Variants in PMM2 observed in about 807,000 individuals in gnomAD.
The protein encoded by PMM2 is phosphomannomutase 2.
A neutral mutation model predicts 33.2 loss-of-function variants in PMM2; 35 were observed. The ratio of observed to expected loss-of-function variants is 1.06; its 90% CI spans 0.81 to 1.40. PMM2 has a LOEUF of 1.40. Ranked by LOEUF, PMM2 falls within the 40% of genes most tolerant of loss-of-function variation. The pLI is 0.00. For synonymous variants in PMM2, 153 were observed against 114.7 expected, an observed-to-expected ratio of 1.33 and a Z score of -2.13; for missense variants, 386 against 306.0, an observed-to-expected ratio of 1.26 and a Z score of -1.95.
intron 4 of PMM2, chr16:8,806,610 C>A (rs1337747266): frequency 1.6e-6 from 1 of 606,334 alleles, no homozygotes; most frequent in African/African-American, 1.8e-5. Flanking sequence ...TCTCTGGCTG[C>A]CCTGGTGCTG....
chr16:8,832,082 C>T (rs896975851), intron 7 of PMM2: 2 of 950,394 alleles, frequency 2.1e-6, no homozygotes, highest in Non-Finnish European at 2.5e-6. Context: ...GCCAGCTTTC[C>T]TTTCATTTCA....
chr16:8,803,616 G>A (rs1274643203), intron 2 of PMM2, among the ~76,000 whole-genome samples: 1 of 152,170 alleles, frequency 6.6e-6, no homozygotes, highest in Non-Finnish European at 1.5e-5. Flanking sequence ...CTTCATTAAG[G>A]TTGACAACAT....
At chr16:8,833,415 T>C (rs565048704) in intron 7 of PMM2, among the ~76,000 whole-genome samples, 46 of 152,320 alleles carry the variant, frequency 3.0e-4, no homozygotes, top group African/African-American at 4.6e-4. Context: ...TCTGGATGTA[T>C]ACGTGCAAGT....
chr16:8,847,948 G>T lies in PMM2; in HGVS notation c.*123G>T. On this transcript the variant is annotated 3_prime_UTR_variant, in exon 8 of 8. Coordinates refer to ENST00000268261, the MANE Select transcript of PMM2 (RefSeq NM_000303.3). ...AGCCTAGGCAGGCTCTGCATGCTATGCCAGGCATGTGCAGTCTGGACTTCC... is the reference window on the plus strand; with the variant it reads ...AGCCTAGGCAGGCTCTGCATGCTATTCCAGGCATGTGCAGTCTGGACTTCC... The T allele has an allele frequency of 1.4e-6, 1 of 718,650 alleles. No individual in the cohort carries two copies. The allele number at this position is 718,650 out of a possible 1,614,324, so 44.5% of individuals were successfully genotyped here.
intron 2 of PMM2, chr16:8,802,366 G>T (rs541681393): frequency 6.8e-6 from 3 of 439,020 alleles, no homozygotes; most frequent in South Asian, 3.2e-5. Flanking sequence ...TGATAGGTCT[G>T]TGGAGCCTGG....
intron 7 of PMM2, among the ~76,000 whole-genome samples, chr16:8,828,278 A>G (rs1478359638): frequency 6.6e-6 from 1 of 152,032 alleles, no homozygotes; most frequent in African/African-American, 2.4e-5. Context: ...AGAAAAGAAA[A>G]TTTAAGGCAG....
intron 7 of PMM2, among the ~76,000 whole-genome samples, chr16:8,833,547 T>A (rs957133311): frequency 6.6e-6 from 1 of 151,376 alleles, no homozygotes; most frequent in Admixed American, 6.6e-5. Context: ...GGGGGTGGTA[T>A]GGAGAGAGAA....
intron 7 of PMM2, among the ~76,000 whole-genome samples, chr16:8,840,416 G>A (rs560165006): frequency 6.6e-5 from 10 of 152,036 alleles, no homozygotes; most frequent in African/African-American, 2.2e-4. Flanking sequence ...AACAAGAGTA[G>A]GGCATTTATA....
intron 7 of PMM2, among the ~76,000 whole-genome samples, chr16:8,815,415 G>C (rs758610944): frequency 2.0e-5 from 3 of 152,094 alleles, no homozygotes; most frequent in Non-Finnish European, 4.4e-5. Flanking sequence ...ATTTTTAGTA[G>C]AGACAGGGTT....
chr16:8,812,913 T>A (rs1384316605), intron 6 of PMM2, 78 bp from the exon 7 acceptor site: 2 of 852,376 alleles, frequency 2.3e-6, no homozygotes, highest in South Asian at 1.3e-5. Context: ...GACAAAAGAG[T>A]AAATTGTTTT....
chr16:8,811,819 A>C, intron 6 of PMM2, 106 bp downstream of exon 6: 1 of 814,620 alleles, frequency 1.2e-6, no homozygotes, highest in Admixed American at 1.8e-5. Flanking sequence ...TTAGGTGGGC[A>C]GGAAGATTAA....
intron 7 of PMM2, among the ~76,000 whole-genome samples, chr16:8,841,416 G>A (rs1159537265): frequency 2.7e-5 from 4 of 148,848 alleles, no homozygotes; most frequent in South Asian, 2.2e-4. Context: ...TATCTGACTC[G>A]GGGCATGTTG....
At chr16:8,800,525 C>T (rs1047869893) in intron 1 of PMM2, among the ~76,000 whole-genome samples, 1 of 152,038 alleles carries the variant, frequency 6.6e-6, no homozygotes, top group Non-Finnish European at 1.5e-5. Context: ...TTGGAATTTA[C>T]CATAAGATTA....
intron 7 of PMM2, among the ~76,000 whole-genome samples, chr16:8,822,464 G>A (rs1232646654): frequency 6.6e-6 from 1 of 152,174 alleles, no homozygotes; most frequent in Non-Finnish European, 1.5e-5. Flanking sequence ...GCTGTTACCG[G>A]CATTGTTTCA....
Position 8,828,316 on chromosome 16 carries a change from G to A in PMM2, c.639+15210G>A, listed in dbSNP as rs554112454. On this transcript the variant is annotated intron_variant, in intron 7 of 7. Transcript: ENST00000268261. ...TTCAAGGCAAGCTGTCCATGGTGGG[G>A]AAAGAATCAATAAATGGCACACAAA... 2.0e-5 allele frequency among the ~76,000 whole-genome samples: 3 copies of A among 152,034 alleles called. No homozygotes were observed. In the South Asian group the frequency reaches 6.2e-4, roughly 32 times the overall value.
At position 8,847,711 on chromosome 16, in the gene PMM2, C is replaced by T. The variant is rs372181885; in HGVS notation, c.640-13C>T. ...CGAGGGGGAGCCTTCATCTGTACTTCGTGTCTTTCCAGGGTGGCAATGACC... is the reference window on the plus strand; with the variant it reads ...CGAGGGGGAGCCTTCATCTGTACTTTGTGTCTTTCCAGGGTGGCAATGACC... On this transcript the variant is annotated splice_polypyrimidine_tract_variant and intron_variant, in intron 7 of 7. Coordinates refer to ENST00000268261, the MANE Select transcript of PMM2 (RefSeq NM_000303.3). 202 of 1,596,076 alleles carry T rather than the reference C, an allele frequency of 1.3e-4. No individual in the cohort carries two copies. The African/African-American group carries it at 2.2e-3, about 17-fold the overall frequency.
intron 7 of PMM2, among the ~76,000 whole-genome samples, chr16:8,836,001 A>G (rs61190061): frequency 5.5e-4 from 55 of 99,116 alleles, no homozygotes; most frequent in Non-Finnish European, 9.1e-4. Flanking sequence ...TAATAAGGGA[A>G]CTGGGCAGGT....
intron 7 of PMM2, among the ~76,000 whole-genome samples, chr16:8,813,604 G>A (rs1468190296): frequency 6.6e-6 from 1 of 152,118 alleles, no homozygotes; most frequent in African/African-American, 2.4e-5. Context: ...CATCACACAC[G>A]GCGGGTGCTT....
At chr16:8,809,103 A>C (rs2060663168) in intron 4 of PMM2, 1 of 152,204 alleles carries the variant, frequency 6.6e-6, no homozygotes, top group Non-Finnish European at 1.5e-5. Context: ...GCCTTTCTGT[A>C]GGTGAATAAG....
Sources: allele counts gnomAD v4.1 joint callset (sites outside exome capture counted in the v4.1 genomes callset), GRCh38; gene constraint gnomAD v4.1.1; transcripts MANE v1.5; gene names NCBI Gene and HGNC (gene_info 2026-07-23, HGNC 2026-07-21).